ZRANB2: variants seen among roughly 807,000 people sequenced by gnomAD.
The protein encoded by ZRANB2 is zinc finger RANBP2-type containing 2.
In ZRANB2, 19 loss-of-function variants were observed where a neutral mutation model predicts 53.4. That is an observed-to-expected ratio of 0.36 (90% confidence interval 0.25 to 0.52). The LOEUF is 0.52. Among genes scored for constraint, ZRANB2 ranks in the 20% least tolerant of loss-of-function variants. ZRANB2 has a pLI of 0.93. For missense variants in ZRANB2, 309 were observed against 401.1 expected (o/e 0.77, Z 1.96); for synonymous variants, 145 against 134.8 (o/e 1.08, Z -0.52).
At chr1:71,071,041 A>AC in intron 6 of ZRANB2, 45 bp from the exon 7 acceptor site, 1 of 1,463,206 alleles carries the variant, frequency 6.8e-7, no homozygotes, top group Non-Finnish European at 9.0e-7. Context: ...TATTAGTGTT[A>AC]CCTACCAGGA....
chr1:71,065,092 T>TGA lies in ZRANB2; in HGVS notation c.973_974dup (p.Ser326GlnfsTer14). 6.2e-7 allele frequency: 1 copy of TGA among 1,611,226 alleles called. No individual in the cohort carries two copies. Among genetic ancestry groups the TGA allele is most frequent in the Non-Finnish European group, 8.5e-7 (1 of 1,178,162 alleles). The stretch of plus-strand genomic sequence containing the variant: ...TAATACATTATTTCTTTTTTGAACT[T>TGA]GAACGGGAACCAGAATGGGATGATC... On this transcript the variant is annotated frameshift_variant, in exon 10 of 10. Coordinates refer to ENST00000370920, the MANE Select transcript of ZRANB2 (RefSeq NM_203350.3). LOFTEE classifies it high-confidence loss of function.
At chr1:71,072,281 T>C (rs930278694) in intron 5 of ZRANB2, 26 bp from the exon 6 acceptor site, 6 of 1,595,096 alleles carry the variant, frequency 3.8e-6, no homozygotes, top group Non-Finnish European at 5.1e-6. Context: ...TTCAAAATGC[T>C]TGTCAGCTGA....
intron 6 of ZRANB2, 26 bp downstream of exon 6, chr1:71,072,095 G>A (rs368681398): frequency 1.4e-5 from 22 of 1,597,860 alleles, no homozygotes; most frequent in Non-Finnish European, 1.9e-5. Context: ...AAGACAAAAG[G>A]GAAATAGGAC....
At chr1:71,073,964 G>A in intron 4 of ZRANB2, among the ~76,000 whole-genome samples, 1 of 152,010 alleles carries the variant, frequency 6.6e-6, no homozygotes, top group East Asian at 1.9e-4. Flanking sequence ...TGGAATCAAT[G>A]GAATGATATG....
chr1:71,072,156 C>T lies in ZRANB2; in HGVS notation c.478G>A (p.Glu160Lys). ...DKESEGEEEDEDEDLSKYKLD... is the reference protein window; with the variant it reads ...DKESEGEEEDKDEDLSKYKLD... The stretch of plus-strand genomic sequence containing the variant: ...TTATATTTAGAAAGATCTTCATCCT[C>T]ATCCTCTTCTTCTCCCTCTGATTCT... Residue 160 changes from glutamate to lysine, a missense_variant, in exon 6 of 10, where the codon GAG becomes AAG. Around this residue, in one of 3 missense-constraint regions of ZRANB2, gnomAD observed 74 missense variants for 180.1 expected, o/e 0.41. Coordinates refer to ENST00000370920, the MANE Select transcript of ZRANB2 (RefSeq NM_203350.3). 2 of 1,612,094 alleles carry T rather than the reference C, an allele frequency of 1.2e-6. No individual in the cohort carries two copies. The highest frequency in any genetic ancestry group is 1.7e-6 in the Non-Finnish European group (2 of 1,179,162).
chr1:71,072,046 A>C, intron 6 of ZRANB2, 75 bp downstream of exon 6: 7 of 1,539,320 alleles, frequency 4.5e-6, no homozygotes, highest in Non-Finnish European at 6.1e-6. Context: ...CAAGTGTCTG[A>C]GGCTGTCAAA....
Position 71,076,986 on chromosome 1 carries a change from G to T in ZRANB2, c.219-109C>A, listed in dbSNP as rs1661723721. 1.2e-5 allele frequency: 10 copies of T among 814,200 alleles called. No homozygotes were observed. In the South Asian group the frequency reaches 1.6e-4, roughly 13 times the overall value. 50.4% of individuals were successfully genotyped at this position (814,200 alleles called of 1,614,324 possible). ...AAACTAGGATGAAACCACTGTCAAAGAAATGTTTATTAAGTGGTAATGTAA... is the reference window on the plus strand; with the variant it reads ...AAACTAGGATGAAACCACTGTCAAATAAATGTTTATTAAGTGGTAATGTAA... On this transcript the variant is annotated intron_variant, in intron 3 of 9. Transcript: ENST00000370920.
At chr1:71,066,973 A>T in intron 8 of ZRANB2, 39 bp from the exon 9 acceptor site, 1 of 1,533,854 alleles carries the variant, frequency 6.5e-7, no homozygotes, top group Non-Finnish European at 8.8e-7. Flanking sequence ...TTTCATTAAA[A>T]GAAGAAATAA....
At position 71,066,725 on chromosome 1, in the gene ZRANB2, C is replaced by A. The variant is rs374755067; in HGVS notation, c.929+51G>T. 3,221 of 1,554,652 alleles carry A rather than the reference C, an allele frequency of 2.1e-3. 17 individuals are homozygous for A. Among genetic ancestry groups the A allele is most frequent in the South Asian group, 7.1e-3 (560 of 79,360 alleles). ...CCTTGACTAGGAAAGTTTACTTTATCTATTAAACACACTTAAGAACACCCA... is the reference window on the plus strand; with the variant it reads ...CCTTGACTAGGAAAGTTTACTTTATATATTAAACACACTTAAGAACACCCA... On this transcript the variant is annotated intron_variant, in intron 9 of 9. Transcript: ENST00000370920.
chr1:71,078,486 T>A lies in ZRANB2; in HGVS notation c.189A>T (p.Leu63=). 1 of 1,614,066 alleles carries A rather than the reference T, an allele frequency of 6.2e-7. No individual in the cohort carries two copies. The highest frequency in any genetic ancestry group is 8.5e-7 in the Non-Finnish European group (1 of 1,179,966). ...TACATTGCCAGTCATTAGCACTAAA[T>A]AGGCCTCGGCTCTTTTCTGCAAGTG... The part of the protein sequence containing the change: ...GKTLAEKSRG[L]FSANDWQCKT... Residue 63 remains leucine (L), a synonymous_variant, in exon 3 of 10, where the codon CTA becomes CTT. Transcript: ENST00000370920.
At chr1:71,067,669 A>G (rs759746713) in intron 8 of ZRANB2, 1 of 440,646 alleles carries the variant, frequency 2.3e-6, no homozygotes, top group Non-Finnish European at 4.6e-6. Flanking sequence ...TGGGCTTAAA[A>G]TAAAACCAGA....
intron 4 of ZRANB2, among the ~76,000 whole-genome samples, chr1:71,076,077 T>C (rs982529339): frequency 1.3e-5 from 2 of 151,978 alleles, no homozygotes; most frequent in Non-Finnish European, 1.5e-5. Flanking sequence ...TCTGACAGGG[T>C]GACTAGATAT....
chr1:71,078,102 T>G (rs1661748864), intron 3 of ZRANB2, among the ~76,000 whole-genome samples: 1 of 152,192 alleles, frequency 6.6e-6, no homozygotes, highest in Non-Finnish European at 1.5e-5. Context: ...ATGAGTTTTG[T>G]GGTGTATTTC....
intron 1 of ZRANB2, among the ~76,000 whole-genome samples, chr1:71,079,304 C>T (rs74949201): frequency 0.08 from 12,156 of 152,108 alleles, 623 homozygotes; most frequent in Middle Eastern, 0.19. Flanking sequence ...ACCACCAAAA[C>T]CAATAATCTC....
chr1:71,070,933 T>C lies in ZRANB2; in HGVS notation c.577A>G (p.Ser193Gly). ...CGTCTATTAGATTTCTTTTTATTAC[T>C]ATCTTCTTCTTCACTGGCATCAAGA... is the stretch of plus-strand genomic sequence containing the variant. The part of the protein sequence containing the change: ...YNLDASEEED[S>G]NKKKSNRRSR... Residue 193 changes from serine (S) to glycine (G), a missense_variant, in exon 7 of 10, where the codon AGT (serine) becomes GGT (glycine). Transcript: ENST00000370920. 6.2e-7 allele frequency: 1 copy of C among 1,611,492 alleles called. No individual in the cohort carries two copies. Among genetic ancestry groups the C allele is most frequent in the Non-Finnish European group, 8.5e-7 (1 of 1,178,870 alleles).
intron 3 of ZRANB2, 77 bp downstream of exon 3, chr1:71,078,380 A>C (rs1187420352): frequency 2.4e-6 from 3 of 1,225,438 alleles, no homozygotes; most frequent in Non-Finnish European, 3.5e-6. Context: ...GTCACTAATA[A>C]GAGCTGTAAT....
chr1:71,072,497 TCTC>T lies in ZRANB2; in HGVS notation c.350_352del (p.Arg117_Glu118delinsLys). ...CTCATCATATTCACCATCAGATTCT[TCTC>T]TTTCTATATATTCAACATTTTCTCT... is the stretch of plus-strand genomic sequence containing the variant. On this transcript the variant is annotated inframe_deletion, in exon 5 of 10. Coordinates refer to ENST00000370920, the MANE Select transcript of ZRANB2 (RefSeq NM_203350.3). 6.2e-7 allele frequency: 1 copy of T among 1,607,398 alleles called. No individual in the cohort carries two copies. The highest frequency in any genetic ancestry group is 8.5e-7 in the Non-Finnish European group (1 of 1,175,200).
chr1:71,080,869 A>G lies in ZRANB2; in HGVS notation c.56+71T>C, dbSNP rs1399908333. The G allele has an allele frequency of 7.0e-6, 11 of 1,569,908 alleles. 1 individual carries two copies. Among genetic ancestry groups the G allele is most frequent in the Admixed American group, 3.3e-5 (2 of 59,820 alleles). On this transcript the variant is annotated intron_variant, in intron 1 of 9. Transcript: ENST00000370920. The stretch of plus-strand genomic sequence containing the variant: ...GGCACAGAAAATCATAAAAAAGGAA[A>G]ATGCCGGACGGACCTCGGAAAGCTT...
intron 8 of ZRANB2, 89 bp downstream of exon 8, chr1:71,069,187 G>T: frequency 9.3e-7 from 1 of 1,076,616 alleles, no homozygotes; most frequent in Non-Finnish European, 1.3e-6. Context: ...ACAAGTAGAA[G>T]CAAAATAAGG....
Sources: gnomAD v4.1 joint callset for allele counts (sites outside exome capture counted in the v4.1 genomes callset) on GRCh38, gnomAD v4.1.1 for gene constraint, gnomAD v4.1.1 regional missense constraint, MANE v1.5 for transcripts, NCBI Gene and HGNC (gene_info 2026-07-23, HGNC 2026-07-21) for gene names.